IGSF10: variants seen among roughly 807,000 people sequenced by gnomAD.
IGSF10 encodes calvaria mechanical force protein 608.
IGSF10 carries 126 observed loss-of-function variants against 128.2 expected under a neutral mutation model. The observed-to-expected ratio is 0.98, with a 90% CI of 0.85 to 1.14. IGSF10 has a LOEUF of 1.14. IGSF10 is among the 50% of genes most tolerant of loss of function. IGSF10 has a pLI of 0.00. For synonymous variants in IGSF10, 1,185 were observed against 1,146.2 expected (o/e 1.03, Z -0.68); for missense variants, 3,295 against 3,149.8 (o/e 1.05, Z -1.10).
the IGSF10 span, among the ~76,000 whole-genome samples, chr3:151,535,522 C>T: frequency 2.6e-5 from 4 of 152,228 alleles, no homozygotes; most frequent in African/African-American, 7.2e-5. Context: ...AGGAATCAAT[C>T]GTACCCTAAA....
At chr3:151,586,757 T>C in the IGSF10 span, among the ~76,000 whole-genome samples, 1 of 152,186 alleles carries the variant, frequency 6.6e-6, no homozygotes. Context: ...AGTAAAGTGC[T>C]TATTAATCAA....
chr3:151,522,829 C>T, the IGSF10 span, among the ~76,000 whole-genome samples: 2 of 152,106 alleles, frequency 1.3e-5, no homozygotes, highest in African/African-American at 2.4e-5. Flanking sequence ...TTTGGAAGTT[C>T]TGGCCAGGAC....
chr3:151,453,895 G>A, intron 4 of IGSF10, 121 bp from the exon 5 acceptor site: 1 of 574,278 alleles, frequency 1.7e-6, no homozygotes, highest in Non-Finnish European at 3.0e-6. Context: ...TACCTTCTTA[G>A]GATCCCAATT....
chr3:151,536,178 G>A, the IGSF10 span, among the ~76,000 whole-genome samples: 61 of 152,110 alleles, frequency 4.0e-4, no homozygotes, highest in African/African-American at 1.4e-3. Context: ...CAGGAAGCAG[G>A]GAAAAAATCT....
At chr3:151,505,086 T>C in the IGSF10 span, among the ~76,000 whole-genome samples, 3 of 152,188 alleles carry the variant, frequency 2.0e-5, 1 homozygote, top group South Asian at 4.1e-4. Context: ...ATCCCTATAG[T>C]AGCACCCCAC....
upstream of IGSF10, among the ~76,000 whole-genome samples, chr3:151,464,722 C>T (rs981674155): frequency 2.6e-5 from 4 of 152,214 alleles, no homozygotes; most frequent in Non-Finnish European, 5.9e-5. Context: ...GTCAAGACCT[C>T]CACTGAGTGA....
the IGSF10 span, among the ~76,000 whole-genome samples, chr3:151,524,416 G>T: frequency 6.6e-6 from 1 of 152,112 alleles, no homozygotes; most frequent in East Asian, 1.9e-4. Flanking sequence ...AAGAAATGTG[G>T]TACATATATA....
the IGSF10 span, among the ~76,000 whole-genome samples, chr3:151,567,701 G>A: frequency 2.6e-5 from 4 of 152,122 alleles, no homozygotes; most frequent in African/African-American, 9.7e-5. Context: ...AGCCCAGGGC[G>A]AGGTGCTAGA....
the IGSF10 span, among the ~76,000 whole-genome samples, chr3:151,556,381 C>A: frequency 3.9e-5 from 6 of 152,146 alleles, no homozygotes; most frequent in Non-Finnish European, 1.5e-5. Flanking sequence ...AATGAGCACA[C>A]TTTCCCTTGC....
chr3:151,557,126 TAGAC>T, the IGSF10 span, among the ~76,000 whole-genome samples: 1 of 152,128 alleles, frequency 6.6e-6, no homozygotes, highest in Non-Finnish European at 1.5e-5. Flanking sequence ...AAACTGACAA[TAGAC>T]AGGTTAACAG....
At chr3:151,492,013 C>T in the IGSF10 span, among the ~76,000 whole-genome samples, 3 of 41,972 alleles carry the variant, frequency 7.1e-5, no homozygotes, top group African/African-American at 5.0e-4. Context: ...AATGAGACCA[C>T]ACCAAACTAA....
At chr3:151,593,624 A>G in the IGSF10 span, among the ~76,000 whole-genome samples, 1 of 152,162 alleles carries the variant, frequency 6.6e-6, no homozygotes, top group Non-Finnish European at 1.5e-5. Context: ...TATTTCTGAC[A>G]AATATTTGAA....
the IGSF10 span, among the ~76,000 whole-genome samples, chr3:151,579,717 T>C: frequency 6.6e-6 from 1 of 151,880 alleles, no homozygotes; most frequent in Non-Finnish European, 1.5e-5. Context: ...AACAAATAAA[T>C]ATTTGAAAAG....
chr3:151,599,314 CCA>C, the IGSF10 span, among the ~76,000 whole-genome samples: 1 of 152,080 alleles, frequency 6.6e-6, no homozygotes, highest in Non-Finnish European at 1.5e-5. Flanking sequence ...TAGGCCAGCA[CCA>C]CACTAGGAGG....
the IGSF10 span, among the ~76,000 whole-genome samples, chr3:151,607,682 C>T: frequency 6.6e-5 from 10 of 152,038 alleles, no homozygotes; most frequent in Middle Eastern, 3.4e-3. Context: ...GAGGCTGAGG[C>T]GGGCGGATCA....
chr3:151,509,587 A>G, the IGSF10 span, among the ~76,000 whole-genome samples: 1 of 152,228 alleles, frequency 6.6e-6, no homozygotes, highest in Non-Finnish European at 1.5e-5. Context: ...TTTCCAACTG[A>G]GGTACCGGGT....
chr3:151,505,226 G>A, the IGSF10 span, among the ~76,000 whole-genome samples: 9 of 152,304 alleles, frequency 5.9e-5, no homozygotes, highest in Non-Finnish European at 1.0e-4. Context: ...GAGGCCTCAG[G>A]AAACTTACAA....
chr3:151,546,555 G>A, the IGSF10 span, among the ~76,000 whole-genome samples: 7 of 150,456 alleles, frequency 4.7e-5, no homozygotes, highest in African/African-American at 9.8e-5. Context: ...TAAAGCCTCA[G>A]TATGTCGCCC....
chr3:151,575,472 G>A, the IGSF10 span, among the ~76,000 whole-genome samples: 23 of 152,164 alleles, frequency 1.5e-4, no homozygotes, highest in Non-Finnish European at 2.4e-4. Flanking sequence ...CTTGCAGTTC[G>A]ATCTGGGACT....
Sources: gnomAD v4.1 joint callset for allele counts (sites outside exome capture counted in the v4.1 genomes callset) on GRCh38, gnomAD v4.1.1 for gene constraint, MANE v1.5 for transcripts, NCBI Gene and HGNC (gene_info 2026-07-23, HGNC 2026-07-21) for gene names.